The following SHISA6 variants were observed in gnomAD, a reference collection of about 807,000 sequenced individuals.
The protein encoded by SHISA6 is shisa family member 6, also known as protein shisa-6.
In SHISA6, 22 loss-of-function variants were observed where a neutral mutation model predicts 47.9. That is an observed-to-expected ratio of 0.46 (90% CI 0.33 to 0.66). The LOEUF (loss-of-function observed/expected upper bound fraction) is 0.66. SHISA6 is among the 30% of genes least tolerant of loss of function. The pLI, the probability that SHISA6 is intolerant of heterozygous loss-of-function variation, is 0.02. For synonymous variants in SHISA6, 388 were observed against 337.8 expected (o/e 1.15, Z -1.63); for missense variants, 680 against 764.6 (o/e 0.89, Z 1.30).
At chr17:11,358,816 T>C (rs907217801) in intron 2 of SHISA6, among the ~76,000 whole-genome samples, 3 of 151,832 alleles carry the variant, frequency 2.0e-5, no homozygotes, top group African/African-American at 7.3e-5. Flanking sequence ...GGACTACAGA[T>C]GCCTGGCAAA....
chr17:11,503,425 G>A (rs2071472209), intron 3 of SHISA6, among the ~76,000 whole-genome samples: 1 of 152,156 alleles, frequency 6.6e-6, no homozygotes, highest in South Asian at 2.1e-4. Context: ...TGAGGGTCTG[G>A]ACAGAGCCCC....
chr17:11,382,294 G>C (rs1037600000), intron 3 of SHISA6, among the ~76,000 whole-genome samples: 3 of 151,944 alleles, frequency 2.0e-5, no homozygotes, highest in Non-Finnish European at 4.4e-5. Flanking sequence ...GCCCAGGCTG[G>C]TCTCAAACTC....
intron 2 of SHISA6, among the ~76,000 whole-genome samples, chr17:11,364,133 C>T (rs1678553376): frequency 6.6e-6 from 1 of 152,180 alleles, no homozygotes; most frequent in Non-Finnish European, 1.5e-5. Flanking sequence ...TACTAAAATA[C>T]ATAAAGTGTA....
intron 2 of SHISA6, among the ~76,000 whole-genome samples, chr17:11,302,271 A>G (rs1166698113): frequency 6.6e-6 from 1 of 152,174 alleles, no homozygotes; most frequent in Non-Finnish European, 1.5e-5. Context: ...CAGTTTCCTG[A>G]CAGCAAAATT....
intron 2 of SHISA6, among the ~76,000 whole-genome samples, chr17:11,377,586 G>A (rs1912847727): frequency 6.6e-6 from 1 of 152,210 alleles, no homozygotes; most frequent in African/African-American, 2.4e-5. Flanking sequence ...TGGCTATGCT[G>A]AGGCACTCTC....
At chr17:11,410,410 G>A (rs950255200) in intron 3 of SHISA6, among the ~76,000 whole-genome samples, 9 of 152,206 alleles carry the variant, frequency 5.9e-5, no homozygotes, top group Non-Finnish European at 1.5e-5. Flanking sequence ...TGCAGATGAG[G>A]AAAAGGAAGC....
intron 3 of SHISA6, among the ~76,000 whole-genome samples, chr17:11,491,500 T>G (rs1916476030): frequency 6.6e-6 from 1 of 152,044 alleles, no homozygotes; most frequent in Non-Finnish European, 1.5e-5. Context: ...GGGGTCTCAC[T>G]ATGTTGTTAC....
At chr17:11,323,425 C>T (rs1275280906) in intron 2 of SHISA6, among the ~76,000 whole-genome samples, 2 of 151,936 alleles carry the variant, frequency 1.3e-5, no homozygotes, top group African/African-American at 2.4e-5. Context: ...GAGGCCGAGG[C>T]GGGTGGATCA....
intron 2 of SHISA6, among the ~76,000 whole-genome samples, chr17:11,305,616 G>A (rs1470170767): frequency 6.6e-6 from 1 of 152,234 alleles, no homozygotes; most frequent in African/African-American, 2.4e-5. Context: ...TCTCTCTTTT[G>A]TAACAGTCTT....
At chr17:11,307,638 T>C (rs9898781) in intron 2 of SHISA6, among the ~76,000 whole-genome samples, 58,887 of 152,068 alleles carry the variant, frequency 0.39, 12,142 homozygotes, top group Non-Finnish European at 0.47. Context: ...TCTCCTACCA[T>C]GGAAGACGGG....
chr17:11,264,393 A>G (rs1195806592), intron 2 of SHISA6, among the ~76,000 whole-genome samples: 1 of 152,260 alleles, frequency 6.6e-6, no homozygotes, highest in African/African-American at 2.4e-5. Flanking sequence ...GAGAAAAACA[A>G]GATTCAAGCC....
intron 3 of SHISA6, among the ~76,000 whole-genome samples, chr17:11,530,602 G>C: frequency 1.3e-5 from 2 of 152,206 alleles, no homozygotes; most frequent in East Asian, 3.9e-4. Flanking sequence ...CACATGAGCA[G>C]AGAAATGGCA....
chr17:11,540,026 G>A (rs966915598), intron 3 of SHISA6, among the ~76,000 whole-genome samples: 3 of 152,314 alleles, frequency 2.0e-5, no homozygotes, highest in South Asian at 4.1e-4. Flanking sequence ...TTCGGTGTAC[G>A]TCATGAATTC....
In SHISA6 at chr17:11,413,949, C is replaced by G. The variant is rs111793228; in HGVS notation, c.895+34440C>G. On this transcript the variant is annotated intron_variant, in intron 3 of 5. Coordinates refer to ENST00000441885, the MANE Select transcript of SHISA6 (RefSeq NM_207386.4). ...ATGGAGGTCATCCATCTGCCAGGGA[C>G]TTATTAGCAAAAACTAAAACTGGGA... is the stretch of plus-strand genomic sequence containing the variant. 8.9e-3 allele frequency among the ~76,000 whole-genome samples: 1,359 copies of G among 152,232 alleles called. 21 individuals are homozygous for G. Among genetic ancestry groups the G allele is most frequent in the African/African-American group, 0.031 (1,278 of 41,544 alleles).
intron 3 of SHISA6, among the ~76,000 whole-genome samples, chr17:11,430,877 A>T (rs904712530): frequency 2.6e-5 from 4 of 152,188 alleles, no homozygotes; most frequent in African/African-American, 4.8e-5. Flanking sequence ...CTGTTCTGAC[A>T]CACATAGCAC....
rs139901834 is a variant in SHISA6 at position 11,412,777 on chromosome 17, A to G, written c.895+33268A>G. ...TCTATGAACTTGGTTAGAGGCTTGT[A>G]TTCCGTGCATTCCACCATCCCCACC... On this transcript the variant is annotated intron_variant, in intron 3 of 5. Transcript: ENST00000441885. Among the ~76,000 whole-genome samples the G allele has an allele frequency of 2.1e-3, 313 of 152,224 alleles. 5 individuals carry two copies. The highest frequency in any genetic ancestry group is 0.019 in the East Asian group (99 of 5,156).
chr17:11,256,932 C>T (rs1283601647), intron 1 of SHISA6, among the ~76,000 whole-genome samples: 1 of 152,188 alleles, frequency 6.6e-6, no homozygotes, highest in African/African-American at 2.4e-5. Flanking sequence ...TGGAGAAACT[C>T]GCTCGGCTTG....
chr17:11,377,738 C>T (rs750943846), intron 2 of SHISA6, among the ~76,000 whole-genome samples: 1 of 152,134 alleles, frequency 6.6e-6, no homozygotes, highest in Non-Finnish European at 1.5e-5. Context: ...ATAAACTGAG[C>T]TTAGTTGTTC....
chr17:11,258,938 T>G (rs1315258957), intron 1 of SHISA6, among the ~76,000 whole-genome samples: 1 of 152,054 alleles, frequency 6.6e-6, no homozygotes, highest in Non-Finnish European at 1.5e-5. Context: ...AGTGGATGGA[T>G]GGATGGAGTG....
Sources: allele counts gnomAD v4.1 joint callset (sites outside exome capture counted in the v4.1 genomes callset), GRCh38; gene constraint gnomAD v4.1.1; transcripts MANE v1.5; gene names NCBI Gene and HGNC (gene_info 2026-07-23, HGNC 2026-07-21).